The following C19orf25 variants were observed in gnomAD, a reference collection of about 807,000 sequenced individuals.
C19orf25 encodes UPF0449 protein C19orf25.
In C19orf25, 1 loss-of-function variant was observed where a neutral mutation model predicts 3.1. That is an observed-to-expected ratio of 0.32 (90% CI 0.12 to 1.54). The LOEUF is 1.54. Among genes scored for constraint, C19orf25 ranks in the 40% most tolerant of loss-of-function variants. C19orf25 has a pLI of 0.38. For synonymous variants in C19orf25, 91 were observed against 74.3 expected, an observed-to-expected ratio of 1.23 and a Z score of -1.16; for missense variants, 196 against 160.4, an observed-to-expected ratio of 1.22 and a Z score of -1.20.
At chr19:1,478,507 C>A in intron 2 of C19orf25, 1 of 1,087,508 alleles carries the variant, frequency 9.2e-7, no homozygotes, top group Middle Eastern at 2.7e-4. Flanking sequence ...CTCCTGGGCT[C>A]AAGCGATCCT....
At position 1,475,218 on chromosome 19, in the gene C19orf25, G is replaced by C. The variant is rs757840761; in HGVS notation, c.171C>G (p.Ala57=). 16 of 1,562,130 alleles carry C rather than the reference G, an allele frequency of 1.0e-5. No individual in the cohort carries two copies. The Middle Eastern group carries it at 5.0e-4, about 49-fold the overall frequency. The change falls in exon 3 of 3, where the codon GCC becomes GCG. Residue 57 remains alanine (A), a synonymous_variant. Transcript: ENST00000585675. ...TTTGCTGGTAGAGCTGCTCTCCCGG[G>C]GCCTCCGCATCCTCCATCATCCTGA... is the stretch of plus-strand genomic sequence containing the variant. The part of the protein sequence containing the change: ...VPFRMMEDAE[A]PGEQLYQQSR...
rs1203312790 is a variant in C19orf25 at position 1,478,920 on chromosome 19, G to GGGGGCGCTGACC, written c.-2-27_-2-16dup. On this transcript the variant is annotated splice_polypyrimidine_tract_variant and intron_variant, in intron 1 of 2. Coordinates refer to ENST00000585675, the MANE Select transcript of C19orf25 (RefSeq NM_152482.3). The stretch of plus-strand genomic sequence containing the variant: ...GGAGCCCATCTCTGAAGGCGGGGAA[G>GGGGGCGCTGACC]GGGGCGCTGACCGGGGCGTCCACCT... 2.5e-6 allele frequency: 4 copies of GGGGGCGCTGACC among 1,581,104 alleles called. No homozygotes were observed. The Admixed American group carries it at 5.5e-5, about 22-fold the overall frequency.
At chr19:1,476,088 A>G (rs2084202684) in intron 2 of C19orf25, 1 of 397,936 alleles carries the variant, frequency 2.5e-6, no homozygotes, top group Non-Finnish European at 4.4e-6. Context: ...TGACTCCCAC[A>G]TTCAGCAGAA....
At chr19:1,478,569 C>G in intron 2 of C19orf25, 1 of 1,376,872 alleles carries the variant, frequency 7.3e-7, no homozygotes, top group Non-Finnish European at 9.4e-7. Flanking sequence ...CCACAGCGCC[C>G]GGCCTCCACC....
At position 1,474,824 on chromosome 19, in the gene C19orf25, G is replaced by C; in HGVS notation, c.*208C>G. ...AACCCCAGTGGGGCCCTCAGGTCAC[G>C]CAGGACGGAGCCAGCTGGGTGGGTC... On this transcript the variant is annotated 3_prime_UTR_variant, in exon 3 of 3. Transcript: ENST00000585675. 2 of 1,452,750 alleles carry C rather than the reference G, an allele frequency of 1.4e-6. No homozygotes were observed. The highest frequency in any genetic ancestry group is 1.8e-6 in the Non-Finnish European group (2 of 1,104,194). 90.0% of individuals were successfully genotyped at this position (1,452,750 alleles called of 1,614,324 possible).
chr19:1,477,222 G>C (rs926189418), intron 2 of C19orf25, among the ~76,000 whole-genome samples: 2 of 151,998 alleles, frequency 1.3e-5, no homozygotes, highest in Non-Finnish European at 2.9e-5. Context: ...GGGTGGCCTT[G>C]AACTCCTGAC....
At chr19:1,478,567 C>T (rs926886519) in intron 2 of C19orf25, 6 of 1,376,888 alleles carry the variant, frequency 4.4e-6, no homozygotes, top group Non-Finnish European at 5.6e-6. Context: ...AACCACAGCG[C>T]CCGGCCTCCA....
chr19:1,477,107 C>G (rs569373496), intron 2 of C19orf25, among the ~76,000 whole-genome samples: 44 of 152,070 alleles, frequency 2.9e-4, no homozygotes, highest in African/African-American at 8.7e-4. Context: ...TCAAGCAATT[C>G]TCCTGCCTCA....
intron 2 of C19orf25, chr19:1,478,545 C>T: frequency 1.5e-6 from 2 of 1,307,342 alleles, no homozygotes; most frequent in Non-Finnish European, 2.0e-6. Context: ...AAGTGCTGGG[C>T]TTACAGGCCT....
chr19:1,475,198 T>C lies in C19orf25; in HGVS notation c.191A>G (p.Gln64Arg). The part of the protein sequence containing the change: ...DAEAPGEQLY[Q>R]QSRAYVAANQ... ...GGCAGCCACGTAGGCCCGGCTTTGC[T>C]GGTAGAGCTGCTCTCCCGGGGCCTC... Residue 64 changes from glutamine to arginine, a missense_variant, in exon 3 of 3, where the codon CAG becomes CGG. Physicochemically the swap from Gln to Arg is conservative, Grantham distance 43. Coordinates refer to ENST00000585675, the MANE Select transcript of C19orf25 (RefSeq NM_152482.3). 1 of 1,568,016 alleles carries C rather than the reference T, an allele frequency of 6.4e-7. No homozygotes were observed. Among genetic ancestry groups the C allele is most frequent in the Non-Finnish European group, 8.6e-7 (1 of 1,157,584 alleles).
intron 2 of C19orf25, chr19:1,475,547 G>C (rs2084197293): frequency 2.5e-6 from 1 of 401,096 alleles, no homozygotes; most frequent in Non-Finnish European, 4.6e-6. Context: ...AAATTAGCTG[G>C]GCGTGGTAGC....
At position 1,474,955 on chromosome 19, in the gene C19orf25, T is replaced by TG. The variant is rs1324051369; in HGVS notation, c.*76dup. 6.5e-7 allele frequency: 1 copy of TG among 1,530,820 alleles called. No homozygotes were observed. Among genetic ancestry groups the TG allele is most frequent in the African/African-American group, 1.4e-5 (1 of 72,930 alleles). The allele number at this position is 1,530,820 out of a possible 1,614,324, so 94.8% of individuals were successfully genotyped here. On this transcript the variant is annotated 3_prime_UTR_variant, in exon 3 of 3. Coordinates refer to ENST00000585675, the MANE Select transcript of C19orf25 (RefSeq NM_152482.3). Reference sequence around the variant, plus strand: ...GGCTGGGACCCCGTGAATGCCAGTCTGGGGCCGACGGACCCCCAGGGAAAG... The same window carrying TG: ...GGCTGGGACCCCGTGAATGCCAGTCTGGGGGCCGACGGACCCCCAGGGAAAG...
intron 2 of C19orf25, chr19:1,476,607 C>G (rs2084208125): frequency 3.4e-6 from 1 of 298,240 alleles, no homozygotes; most frequent in African/African-American, 2.1e-5. Context: ...CTCCTGGGCA[C>G]TTGAAATATG....
chr19:1,477,617 C>A (rs534176915), intron 2 of C19orf25, among the ~76,000 whole-genome samples: 1 of 152,304 alleles, frequency 6.6e-6, no homozygotes, highest in Admixed American at 6.5e-5. Flanking sequence ...CAGCCACTAA[C>A]CGTATGTGAA....
intron 2 of C19orf25, 107 bp downstream of exon 2, chr19:1,478,667 C>T (rs1205070335): frequency 2.0e-6 from 3 of 1,508,606 alleles, no homozygotes; most frequent in Admixed American, 4.3e-5. Flanking sequence ...GCCCATGTTG[C>T]GGGGGTTCCC....
At chr19:1,478,091 C>T (rs530110041) in intron 2 of C19orf25, among the ~76,000 whole-genome samples, 1 of 152,246 alleles carries the variant, frequency 6.6e-6, no homozygotes, top group African/African-American at 2.4e-5. Flanking sequence ...CCACCCACCT[C>T]GGCCTCCCAA....
In C19orf25 at chr19:1,478,889, T is replaced by C. The variant is rs551349024; in HGVS notation, c.15A>G (p.Ala5=). The change falls in exon 2 of 3, where the codon GCA becomes GCG. Residue 5 remains alanine, a synonymous_variant. Transcript: ENST00000585675. The part of the protein sequence containing the change: MGSK[A]KKRVLLPTRP... ...GGGTGGGCAGCAGCACGCGCTTCTT[T>C]GCCTTGGAGCCCATCTCTGAAGGCG... 3 of 1,595,832 alleles carry C rather than the reference T, an allele frequency of 1.9e-6. No individual in the cohort carries two copies. Among genetic ancestry groups the C allele is most frequent in the Non-Finnish European group, 2.6e-6 (3 of 1,172,992 alleles).
At position 1,479,156 on chromosome 19, in the gene C19orf25, T is replaced by C. The variant is rs2084238713; in HGVS notation, c.-3+7A>G. ...CGCGGTCACCCCAGTCGCCGGCCTC[T>C]TCCCACCTGGGCGCGGGACCCGAAA... On this transcript the variant is annotated splice_region_variant and intron_variant, in intron 1 of 2. Coordinates refer to ENST00000585675, the MANE Select transcript of C19orf25 (RefSeq NM_152482.3). The C allele has an allele frequency of 1.6e-6, 2 of 1,278,968 alleles. No homozygotes were observed. The highest frequency in any genetic ancestry group is 2.0e-6 in the Non-Finnish European group (2 of 1,013,902). 79.2% of individuals were successfully genotyped at this position (1,278,968 alleles called of 1,614,324 possible).
chr19:1,477,076 T>C (rs1467764806), intron 2 of C19orf25, among the ~76,000 whole-genome samples: 5 of 151,930 alleles, frequency 3.3e-5, no homozygotes, highest in Non-Finnish European at 7.4e-5. Context: ...CTCAGCTCAC[T>C]GCAACCTCCG....
Sources: allele counts gnomAD v4.1 joint callset (sites outside exome capture counted in the v4.1 genomes callset), GRCh38; gene constraint gnomAD v4.1.1; transcripts MANE v1.5; gene names NCBI Gene and HGNC (gene_info 2026-07-23, HGNC 2026-07-21).